Variants in HEATR1 observed in about 807,000 individuals in gnomAD.
The protein encoded by HEATR1 is HEAT repeat containing 1.
In HEATR1, 77 loss-of-function variants were observed where a neutral mutation model predicts 248.2. The observed-to-expected ratio is 0.31, with a 90% CI of 0.26 to 0.37. The LOEUF is 0.37. Among genes scored for constraint, HEATR1 ranks in the 10% least tolerant of loss-of-function variants. HEATR1 has a pLI of 1.00. For missense variants in HEATR1, 2,420 were observed against 2,504.9 expected (o/e 0.97, Z 0.72); for synonymous variants, 897 against 923.1 (o/e 0.97, Z 0.51).
Position 236,574,908 on chromosome 1 carries a change from A to T in HEATR1, c.3085-5T>A, listed in dbSNP as rs765988652. 1.2e-6 allele frequency: 2 copies of T among 1,612,016 alleles called. No individual in the cohort carries two copies. Among genetic ancestry groups the T allele is most frequent in the Admixed American group, 3.4e-5 (2 of 59,682 alleles). On this transcript the variant is annotated splice_polypyrimidine_tract_variant and splice_region_variant and intron_variant, in intron 22 of 44. Transcript: ENST00000366582. Reference sequence around the variant, plus strand: ...CAATAGCTGAGAAAGCACCATCTAAAGATCCAAAGACTTAGTAGTAAATAG... The same window carrying T: ...CAATAGCTGAGAAAGCACCATCTAATGATCCAAAGACTTAGTAGTAAATAG...
Position 236,555,392 on chromosome 1 carries a change from T to C in HEATR1, c.5827A>G (p.Ile1943Val), listed in dbSNP as rs530149086. 142 of 1,614,108 alleles carry C rather than the reference T, an allele frequency of 8.8e-5. No individual in the cohort carries two copies. The highest frequency in any genetic ancestry group is 2.8e-4 in the Admixed American group (17 of 60,008). The change falls in exon 41 of 45, where the codon ATT becomes GTT. Residue 1943 changes from isoleucine (I) to valine (V), a missense_variant. Transcript: ENST00000366582. Reference sequence around the variant, plus strand: ...AAAAGCCCTTTCAGCTTTTCAGCAATGCAATCTGCCAAGTTGTAAAATGTC... The same window carrying C: ...AAAAGCCCTTTCAGCTTTTCAGCAACGCAATCTGCCAAGTTGTAAAATGTC... ...LLTFYNLADC[I>V]AEKLKGLFTL... is the part of the protein sequence containing the mutation.
chr1:236,603,400 T>G (rs759846199), intron 2 of HEATR1, 24 bp from the exon 3 acceptor site: 1 of 1,592,166 alleles, frequency 6.3e-7, no homozygotes, highest in South Asian at 1.1e-5. Flanking sequence ...AAGGCCAGTT[T>G]ATTTAACAAT....
In HEATR1 at chr1:236,598,068, G is replaced by T. The variant is rs1008522793; in HGVS notation, c.502-89C>A. 8.4e-6 allele frequency: 6 copies of T among 710,146 alleles called. No individual in the cohort carries two copies. In the East Asian group the frequency reaches 1.0e-4, roughly 12 times the overall value. The allele number at this position is 710,146 out of a possible 1,614,324, so 44.0% of individuals were successfully genotyped here. ...TTTACCCTAGTAATGTCTTCATACT[G>T]CTACAATTCATAAATAAAAAATATA... On this transcript the variant is annotated intron_variant, in intron 4 of 44. Coordinates refer to ENST00000366582, the MANE Select transcript of HEATR1 (RefSeq NM_018072.6).
At position 236,558,261 on chromosome 1, in the gene HEATR1, G is replaced by A. The variant is rs200302789; in HGVS notation, c.5180C>T (p.Ala1727Val). The A allele has an allele frequency of 2.3e-5, 37 of 1,613,022 alleles. No individual in the cohort carries two copies. The highest frequency in any genetic ancestry group is 2.0e-4 in the Admixed American group (12 of 59,966). The change falls in exon 36 of 45, where the codon GCG becomes GTG. Residue 1727 changes from alanine to valine, a missense_variant. Physicochemically the swap from Ala to Val is moderately conservative, Grantham distance 64. Transcript: ENST00000366582. ...CCTGGGAAGCTGGGGGATGGCCAGC[G>A]CCTCCAGGGTGGAGGTCACCTCTGC... Reference protein sequence around the residue: ...CIAEVTSTLEALAIPQLPSLM... With the variant: ...CIAEVTSTLEVLAIPQLPSLM...
At chr1:236,592,932 C>T (rs1188017491) in intron 9 of HEATR1, among the ~76,000 whole-genome samples, 6 of 152,138 alleles carry the variant, frequency 3.9e-5, no homozygotes, top group Non-Finnish European at 7.4e-5. Flanking sequence ...TGCTGGCTCA[C>T]GCCTGTAATC....
At chr1:236,569,980 A>G (rs771931743) in intron 28 of HEATR1, among the ~76,000 whole-genome samples, 6 of 152,324 alleles carry the variant, frequency 3.9e-5, no homozygotes, top group African/African-American at 1.4e-4. Flanking sequence ...TTCAACAAGA[A>G]TGAACCTCAA....
At chr1:236,557,533 C>T (rs2759005) in intron 36 of HEATR1, among the ~76,000 whole-genome samples, 188 bp from the exon 37 acceptor site, 90,718 of 152,118 alleles carry the variant, frequency 0.6, 28,274 homozygotes, top group Non-Finnish European at 0.69. Context: ...GCTAACAGTA[C>T]GGACACAACA....
intron 3 of HEATR1, among the ~76,000 whole-genome samples, chr1:236,601,254 G>GGT (rs1664316236): frequency 7.0e-6 from 1 of 142,590 alleles, no homozygotes; most frequent in Non-Finnish European, 1.5e-5. Context: ...TCCATTTTTT[G>GGT]TTTTTTTTTT....
chr1:236,586,825 A>C (rs1444253261), intron 14 of HEATR1, among the ~76,000 whole-genome samples: 2 of 151,952 alleles, frequency 1.3e-5, no homozygotes, highest in South Asian at 2.1e-4. Context: ...ACTCTACCGG[A>C]AATCAGGTTC....
At chr1:236,554,821 T>TGGA in intron 41 of HEATR1, 69 bp from the exon 42 acceptor site, 2 of 1,317,812 alleles carry the variant, frequency 1.5e-6, no homozygotes, top group Non-Finnish European at 2.1e-6. Flanking sequence ...ATGTTTACAT[T>TGGA]GAAATCACTA....
intron 41 of HEATR1, 39 bp downstream of exon 41, chr1:236,555,257 C>T (rs761786652): frequency 2.5e-6 from 4 of 1,600,796 alleles, no homozygotes; most frequent in South Asian, 2.2e-5. Context: ...ATAAGGCACA[C>T]AGGGCAAGGG....
At chr1:236,577,796 A>AT (rs1558185538) in intron 20 of HEATR1, among the ~76,000 whole-genome samples, 5 of 152,100 alleles carry the variant, frequency 3.3e-5, no homozygotes, top group Non-Finnish European at 5.9e-5. Context: ...CCAAATCATT[A>AT]TTTTTTAATT....
chr1:236,564,458 C>A lies in HEATR1; in HGVS notation c.4599+40G>T, dbSNP rs1572036007. ...GTTGAGAACAGTTCCTTGGAGACAG[C>A]AGAATACCTTTTTATAAACACATTT... On this transcript the variant is annotated intron_variant, in intron 32 of 44. Coordinates refer to ENST00000366582, the MANE Select transcript of HEATR1 (RefSeq NM_018072.6). The A allele has an allele frequency of 3.8e-6, 6 of 1,581,422 alleles. No homozygotes were observed. The East Asian group carries it at 1.3e-4, about 35-fold the overall frequency.
In HEATR1 at chr1:236,559,133, G is replaced by A; in HGVS notation, c.4773C>T (p.Val1591=). 2 of 1,549,078 alleles carry A rather than the reference G, an allele frequency of 1.3e-6. No individual in the cohort carries two copies. Among genetic ancestry groups the A allele is most frequent in the South Asian group, 1.2e-5 (1 of 81,636 alleles). The part of the protein sequence containing the change: ...LSKAYDLLDK[V]NALLPTETFI... ...ATGTCTCTGTGGGCAGCAAGGCATTGACCTAAAGAGAAATTTTATATTTAA... is the reference window on the plus strand; with the variant it reads ...ATGTCTCTGTGGGCAGCAAGGCATTAACCTAAAGAGAAATTTTATATTTAA... Residue 1591 remains valine (V), a splice_region_variant and synonymous_variant, in exon 35 of 45, where the codon GTC becomes GTT. Transcript: ENST00000366582.
intron 24 of HEATR1, 127 bp from the exon 25 acceptor site, chr1:236,572,955 GA>G: frequency 1.2e-6 from 1 of 831,318 alleles, no homozygotes; most frequent in Non-Finnish European, 1.9e-6. Context: ...ATATGCATCT[GA>G]ACCCCCCCCA....
At chr1:236,585,563 G>A (rs939676807) in intron 16 of HEATR1, among the ~76,000 whole-genome samples, 10 of 152,010 alleles carry the variant, frequency 6.6e-5, no homozygotes, top group African/African-American at 2.2e-4. Context: ...AAATGGGAAT[G>A]AGAAAAAATG....
rs1663029150 is a variant in HEATR1, at chr1:236,558,258, A to C, written c.5183T>G (p.Leu1728Arg). ...IAEVTSTLEALAIPQLPSLMP... is the reference protein window; with the variant it reads ...IAEVTSTLEARAIPQLPSLMP... Reference sequence around the variant, plus strand: ...ATACCTGGGAAGCTGGGGGATGGCCAGCGCCTCCAGGGTGGAGGTCACCTC... The same window carrying C: ...ATACCTGGGAAGCTGGGGGATGGCCCGCGCCTCCAGGGTGGAGGTCACCTC... The change falls in exon 36 of 45, where the codon CTG becomes CGG. Residue 1728 changes from leucine to arginine, a missense_variant. By Grantham distance (102) the Leu-to-Arg change is moderately radical. Coordinates refer to ENST00000366582, the MANE Select transcript of HEATR1 (RefSeq NM_018072.6). 1 of 1,612,638 alleles carries C rather than the reference A, an allele frequency of 6.2e-7. No homozygotes were observed. Among genetic ancestry groups the C allele is most frequent in the Admixed American group, 1.7e-5 (1 of 59,928 alleles).
chr1:236,595,447 T>C (rs1273151284), intron 8 of HEATR1, 93 bp downstream of exon 8: 6 of 1,027,346 alleles, frequency 5.8e-6, no homozygotes, highest in Non-Finnish European at 6.8e-6. Flanking sequence ...AAACAGAAAT[T>C]TTAAATATTT....
chr1:236,594,778 A>C (rs1664128356), intron 8 of HEATR1, among the ~76,000 whole-genome samples: 1 of 152,134 alleles, frequency 6.6e-6, no homozygotes, highest in South Asian at 2.1e-4. Context: ...AAAAGACATA[A>C]TGCAAATAAT....
Sources: allele counts gnomAD v4.1 joint callset (sites outside exome capture counted in the v4.1 genomes callset), GRCh38; gene constraint gnomAD v4.1.1; transcripts MANE v1.5; gene names NCBI Gene and HGNC (gene_info 2026-07-23, HGNC 2026-07-21).